DCAF8L2: variants seen among roughly 807,000 people sequenced by gnomAD.
DCAF8L2 encodes the protein DDB1- and CUL4-associated factor 8-like protein 2.
For missense variants in DCAF8L2, 430 were observed against 490.7 expected (o/e 0.88, Z 1.17); for synonymous variants, 200 against 190.9 (o/e 1.05, Z -0.39).
Position 27,666,173 on chromosome X carries a change from A to G in DCAF8L2, c.-219-11663A>G, listed in dbSNP as rs180675147. Among the ~76,000 whole-genome samples, 319 of 112,223 alleles carry G rather than the reference A, an allele frequency of 2.8e-3. 4 individuals are homozygous for G. Among genetic ancestry groups the G allele is most frequent in the African/African-American group, 9.4e-3 (290 of 30,987 alleles). ...AATATTAAAATTGTGTATGTTTACA[A>G]TATTACTTACTTATGCAAGTTTGCA... On this transcript the variant is annotated intron_variant, in intron 2 of 4. Coordinates refer to ENST00000451261, the MANE Select transcript of DCAF8L2 (RefSeq NM_001353450.2).
At chrX:27,524,444 T>A in the DCAF8L2 span, among the ~76,000 whole-genome samples, 3,652 of 111,197 alleles carry the variant, frequency 0.033, 140 homozygotes, top group African/African-American at 0.11. Flanking sequence ...GTCTTTCTAG[T>A]GGTCTATCAA....
chrX:27,491,161 G>A, the DCAF8L2 span, among the ~76,000 whole-genome samples: 8 of 112,257 alleles, frequency 7.1e-5, no homozygotes, highest in African/African-American at 2.6e-4. Flanking sequence ...ATTAAAAAAT[G>A]TTTTGCATTT....
intron 1 of DCAF8L2, among the ~76,000 whole-genome samples, chrX:27,628,760 C>G (rs1456576708): frequency 1.8e-5 from 2 of 110,603 alleles, no homozygotes; most frequent in African/African-American, 6.6e-5. Flanking sequence ...CCCGCCACCA[C>G]GCCCGGCTAA....
chrX:27,601,198 G>C (rs1450146993), intron 1 of DCAF8L2, among the ~76,000 whole-genome samples: 1 of 111,876 alleles, frequency 8.9e-6, no homozygotes, highest in Non-Finnish European at 1.9e-5. Flanking sequence ...TTTTCCAAGA[G>C]TCTTTGGCAA....
chrX:27,601,294 A>G (rs1926629834), intron 1 of DCAF8L2, among the ~76,000 whole-genome samples: 1 of 112,259 alleles, frequency 8.9e-6, no homozygotes, highest in Non-Finnish European at 1.9e-5. Flanking sequence ...TAGGCCAGTA[A>G]TCTTTGAAAA....
chrX:27,658,712 A>G (rs1929443930), intron 2 of DCAF8L2, among the ~76,000 whole-genome samples: 1 of 111,978 alleles, frequency 8.9e-6, no homozygotes, highest in African/African-American at 3.2e-5. Context: ...ATGCAGTATT[A>G]TGAGCTTTTA....
At chrX:27,629,278 CT>C (rs1290587838) in intron 1 of DCAF8L2, among the ~76,000 whole-genome samples, 1 of 111,631 alleles carries the variant, frequency 9.0e-6, no homozygotes, top group Non-Finnish European at 1.9e-5. Flanking sequence ...CAATAACTTA[CT>C]GCCATGACAA....
intron 1 of DCAF8L2, among the ~76,000 whole-genome samples, chrX:27,614,033 G>C (rs1043725432): frequency 9.9e-5 from 11 of 111,529 alleles, no homozygotes; most frequent in African/African-American, 3.6e-4. Context: ...AATGGTACCA[G>C]TTCCTCTTTC....
the DCAF8L2 span, among the ~76,000 whole-genome samples, chrX:27,486,834 C>G: frequency 9.0e-6 from 1 of 111,472 alleles, no homozygotes; most frequent in Non-Finnish European, 1.9e-5. Flanking sequence ...TATATCTATC[C>G]TAAGGTCAGT....
At chrX:27,502,332 AAAAATATATATATATATATATAT>A in the DCAF8L2 span, among the ~76,000 whole-genome samples, 1,237 of 34,056 alleles carry the variant, frequency 0.036, 49 homozygotes, top group Non-Finnish European at 0.048. Context: ...AAAAAAAAAA[AAAAATATATATATATATATATAT>A]ATATATATAT....
At chrX:27,514,287 G>GTGTGCATATGTACACATATGTACCTATA in the DCAF8L2 span, among the ~76,000 whole-genome samples, 81 of 35,219 alleles carry the variant, frequency 2.3e-3, 7 homozygotes, top group African/African-American at 4.5e-3. Context: ...ATGTACATAT[G>GTGTGCATATGTACACATATGTACCTATA]TGTGTGCATA....
the DCAF8L2 span, among the ~76,000 whole-genome samples, chrX:27,525,853 C>T: frequency 8.9e-6 from 1 of 111,827 alleles, no homozygotes. Flanking sequence ...TGAATATTGG[C>T]CCCCACTCTC....
chrX:27,731,042 T>C (rs1392264943), intron 4 of DCAF8L2, among the ~76,000 whole-genome samples: 2 of 111,134 alleles, frequency 1.8e-5, no homozygotes, highest in African/African-American at 6.6e-5. Flanking sequence ...GGCTGTGTCT[T>C]AGCCAGTTTG....
chrX:27,740,021 G>A (rs909715272), intron 4 of DCAF8L2, among the ~76,000 whole-genome samples: 6 of 111,024 alleles, frequency 5.4e-5, no homozygotes, highest in East Asian at 2.8e-4. Context: ...TCCCCTTTTC[G>A]TCTCAGGTTT....
At chrX:27,533,234 G>GAGAAAGAAAGAA in the DCAF8L2 span, among the ~76,000 whole-genome samples, 1 of 33,719 alleles carries the variant, frequency 3.0e-5, no homozygotes, top group African/African-American at 6.6e-5. Context: ...AAGAAAGAAA[G>GAGAAAGAAAGAA]AGAAAGAAAG....
At chrX:27,701,292 A>G (rs1054641088) in intron 3 of DCAF8L2, among the ~76,000 whole-genome samples, 1 of 111,685 alleles carries the variant, frequency 9.0e-6, no homozygotes, top group Non-Finnish European at 1.9e-5. Context: ...TAGAGAGAAA[A>G]GTAATCCAAA....
intron 1 of DCAF8L2, among the ~76,000 whole-genome samples, chrX:27,591,195 T>A (rs966090430): frequency 9.1e-6 from 1 of 109,500 alleles, no homozygotes; most frequent in African/African-American, 3.3e-5. Context: ...GAAAAGTTTT[T>A]CAAAAAATGT....
chrX:27,732,493 C>CGT (rs139652032), intron 4 of DCAF8L2, among the ~76,000 whole-genome samples: 1,246 of 84,141 alleles, frequency 0.015, 20 homozygotes, highest in African/African-American at 0.039. Flanking sequence ...TGTGTGTGCG[C>CGT]GTGTGTGTGT....
At chrX:27,470,158 T>C in the DCAF8L2 span, among the ~76,000 whole-genome samples, 1 of 110,404 alleles carries the variant, frequency 9.1e-6, no homozygotes, top group African/African-American at 3.3e-5. Flanking sequence ...GAAAAAAAAA[T>C]CAAACATTTG....
Sources: gnomAD v4.1 joint callset for allele counts (sites outside exome capture counted in the v4.1 genomes callset) on GRCh38, gnomAD v4.1.1 for gene constraint, MANE v1.5 for transcripts, NCBI Gene and HGNC (gene_info 2026-07-23, HGNC 2026-07-21) for gene names.